The following ACER3 variants were observed in gnomAD, a reference collection of about 807,000 sequenced individuals.
ACER3 encodes the protein alkCDase 3.
ACER3 carries 16 observed loss-of-function variants against 48.9 expected under a neutral mutation model. That is an observed-to-expected ratio of 0.33 (90% confidence interval 0.22 to 0.50). The LOEUF (loss-of-function observed/expected upper bound fraction) is 0.50. Ranked by LOEUF, ACER3 falls within the 20% of genes least tolerant of loss-of-function variation. The probability of loss-of-function intolerance (pLI) is 0.98; values close to 1 mark genes in which losing one functional copy is unlikely to be tolerated. For missense variants in ACER3, 227 were observed against 326.0 expected (o/e 0.70, Z 2.34); for synonymous variants, 109 against 107.8 (o/e 1.01, Z -0.07).
rs565468239 is a variant in ACER3 at position 77,024,701 on chromosome 11, G to A, written c.*4374G>A. The stretch of plus-strand genomic sequence containing the variant: ...CTGTGATACACATTCAGCCATTTTG[G>A]AGGAAAGCTAAGCAGGTTCTGACCA... On this transcript the variant is annotated 3_prime_UTR_variant, in exon 11 of 11. Transcript: ENST00000532485. 6.6e-6 allele frequency: 1 copy of A among 152,298 alleles called. No individual in the cohort carries two copies. The highest frequency in any genetic ancestry group is 1.9e-4 in the East Asian group (1 of 5,192). 9.4% of individuals were successfully genotyped at this position (152,298 alleles called of 1,614,324 possible).
chr11:76,951,985 T>C (rs1947681557), intron 2 of ACER3, among the ~76,000 whole-genome samples: 1 of 152,168 alleles, frequency 6.6e-6, no homozygotes, highest in Non-Finnish European at 1.5e-5. Flanking sequence ...ATGCTTTGTA[T>C]AGTAGACTTA....
intron 7 of ACER3, among the ~76,000 whole-genome samples, chr11:77,013,147 T>G (rs1022600240): frequency 7.2e-5 from 11 of 152,186 alleles, no homozygotes; most frequent in East Asian, 1.9e-4. Flanking sequence ...AAATTATATC[T>G]CAAAATGTAA....
At chr11:76,950,644 G>A (rs1947639268) in intron 2 of ACER3, among the ~76,000 whole-genome samples, 1 of 151,250 alleles carries the variant, frequency 6.6e-6, no homozygotes, top group Admixed American at 6.6e-5. Context: ...TACATTTTTT[G>A]TAGAGACATT....
chr11:76,953,646 C>T (rs1947753277), intron 2 of ACER3, among the ~76,000 whole-genome samples: 2 of 152,036 alleles, frequency 1.3e-5, no homozygotes, highest in African/African-American at 2.4e-5. Context: ...TATATAGTTA[C>T]TTCTTTACCT....
intron 1 of ACER3, among the ~76,000 whole-genome samples, chr11:76,878,884 T>C (rs892630983): frequency 6.6e-6 from 1 of 152,118 alleles, no homozygotes; most frequent in African/African-American, 2.4e-5. Context: ...GGTATCTCAT[T>C]GTAATTTTAA....
intron 3 of ACER3, among the ~76,000 whole-genome samples, chr11:76,969,025 A>C (rs921011770): frequency 1.3e-5 from 2 of 152,166 alleles, no homozygotes; most frequent in Non-Finnish European, 2.9e-5. Flanking sequence ...AATGGGAGAA[A>C]ATTTTTGCAA....
intron 3 of ACER3, among the ~76,000 whole-genome samples, chr11:76,970,077 T>TC (rs1948255149): frequency 6.6e-6 from 1 of 152,230 alleles, no homozygotes; most frequent in Non-Finnish European, 1.5e-5. Context: ...GGCTGTTTAT[T>TC]GGCACAGTCT....
At chr11:76,928,885 C>T (rs894945306) in intron 2 of ACER3, among the ~76,000 whole-genome samples, 2 of 152,168 alleles carry the variant, frequency 1.3e-5, no homozygotes, top group Non-Finnish European at 2.9e-5. Flanking sequence ...AGTTTGAAGT[C>T]AGGTAGAGTG....
chr11:76,898,861 G>T (rs1590899202), intron 1 of ACER3, among the ~76,000 whole-genome samples: 1 of 113,574 alleles, frequency 8.8e-6, no homozygotes, highest in South Asian at 3.0e-4. Context: ...CCGAGATCCC[G>T]CCACTGCACT....
At chr11:76,927,061 C>T (rs949780944) in intron 2 of ACER3, among the ~76,000 whole-genome samples, 13 of 152,124 alleles carry the variant, frequency 8.5e-5, no homozygotes, top group African/African-American at 3.1e-4. Flanking sequence ...CAGCCCATCC[C>T]CTAAGAGCTA....
At chr11:76,952,044 AT>A (rs1486073253) in intron 2 of ACER3, among the ~76,000 whole-genome samples, 1 of 152,076 alleles carries the variant, frequency 6.6e-6, no homozygotes, top group Non-Finnish European at 1.5e-5. Context: ...GGCACTTAAA[AT>A]GGATCTAGGA....
intron 1 of ACER3, among the ~76,000 whole-genome samples, chr11:76,889,466 C>A (rs11237001): frequency 6.6e-6 from 1 of 152,050 alleles, no homozygotes; most frequent in African/African-American, 2.4e-5. Context: ...TATTTCAGTA[C>A]TGGAAATACT....
intron 1 of ACER3, among the ~76,000 whole-genome samples, chr11:76,868,823 G>A (rs1011215047): frequency 6.6e-6 from 1 of 152,204 alleles, no homozygotes; most frequent in Non-Finnish European, 1.5e-5. Flanking sequence ...AAAGGTTCAA[G>A]AGGACAGGGT....
At chr11:76,890,830 A>G (rs149280724) in intron 1 of ACER3, among the ~76,000 whole-genome samples, 11 of 152,318 alleles carry the variant, frequency 7.2e-5, no homozygotes, top group African/African-American at 2.2e-4. Flanking sequence ...ATGATCTATT[A>G]TAGTAATCAC....
At chr11:76,926,493 A>C in intron 1 of ACER3, 64 bp from the exon 2 acceptor site, 1 of 937,038 alleles carries the variant, frequency 1.1e-6, no homozygotes, top group African/African-American at 1.6e-5. Context: ...AGCCTACGTG[A>C]ATGTATCTTT....
At chr11:77,009,508 T>G (rs1949218201) in intron 7 of ACER3, among the ~76,000 whole-genome samples, 1 of 151,956 alleles carries the variant, frequency 6.6e-6, no homozygotes, top group African/African-American at 2.4e-5. Flanking sequence ...GACAAATGAG[T>G]ACTTAGATCA....
chr11:76,919,381 T>C (rs921814056), intron 1 of ACER3, among the ~76,000 whole-genome samples: 3 of 152,222 alleles, frequency 2.0e-5, no homozygotes, highest in African/African-American at 7.2e-5. Context: ...TTGTTTCTCA[T>C]ATTTTTGATA....
intron 1 of ACER3, among the ~76,000 whole-genome samples, chr11:76,921,386 T>A (rs1297990513): frequency 2.0e-5 from 3 of 152,202 alleles, no homozygotes; most frequent in Admixed American, 2.0e-4. Context: ...ATCTGGAATT[T>A]ATTTTTGTGT....
In ACER3 at chr11:77,020,499, G is replaced by C; in HGVS notation, c.*172G>C. The C allele has an allele frequency of 3.1e-6, 2 of 643,138 alleles. No individual in the cohort carries two copies. The highest frequency in any genetic ancestry group is 5.2e-6 in the Non-Finnish European group (2 of 381,974). 39.8% of individuals were successfully genotyped at this position (643,138 alleles called of 1,614,324 possible). A position where few individuals can be genotyped will look rare whatever the true frequency, so the allele number is the denominator to read the frequency against. ...GAGAATAAGGAGTAGGGCCTGCTGG[G>C]TGTTTAGCTCATGGCTTTATCTTAT... On this transcript the variant is annotated 3_prime_UTR_variant, in exon 11 of 11. Transcript: ENST00000532485.
Sources: gnomAD v4.1 joint callset for allele counts (sites outside exome capture counted in the v4.1 genomes callset) on GRCh38, gnomAD v4.1.1 for gene constraint, MANE v1.5 for transcripts, NCBI Gene and HGNC (gene_info 2026-07-23, HGNC 2026-07-21) for gene names.